The following EHHADH variants were observed in gnomAD, a reference collection of about 807,000 sequenced individuals.
The protein encoded by EHHADH is peroxisomal bifunctional enzyme.
A neutral mutation model predicts 64.4 loss-of-function variants in EHHADH; 48 were observed. That is an observed-to-expected ratio of 0.75 (90% CI 0.59 to 0.95). The LOEUF (loss-of-function observed/expected upper bound fraction) is 0.95, where lower values mean the gene tolerates loss of function less well. EHHADH is among the 40% of genes least tolerant of loss of function. The pLI is 0.00. For synonymous variants in EHHADH, 308 were observed against 326.7 expected, an observed-to-expected ratio of 0.94 and a Z score of 0.62; for missense variants, 854 against 876.6, an observed-to-expected ratio of 0.97 and a Z score of 0.33.
At position 185,229,413 on chromosome 3, in the gene EHHADH, T is replaced by C. The variant is rs1289209926; in HGVS notation, c.463+19A>G. The C allele has an allele frequency of 7.3e-7, 1 of 1,375,548 alleles. No individual in the cohort carries two copies. The highest frequency in any genetic ancestry group is 9.6e-7 in the Non-Finnish European group (1 of 1,043,838). The allele number at this position is 1,375,548 out of a possible 1,614,324, so 85.2% of individuals were successfully genotyped here. A position where few individuals can be genotyped will look rare whatever the true frequency, so the allele number is the denominator to read the frequency against. On this transcript the variant is annotated intron_variant, in intron 4 of 6. Transcript: ENST00000231887. ...TCTTCACACTAATCTAGACAGTTGT[T>C]GCCAAGGTCTATACTGACCTGAGGT...
intron 5 of EHHADH, among the ~76,000 whole-genome samples, chr3:185,215,783 A>G (rs1718666242): frequency 6.6e-6 from 1 of 152,208 alleles, no homozygotes; most frequent in South Asian, 2.1e-4. Flanking sequence ...GAAATTTTGG[A>G]GAAAAACTAA....
rs1560003380 is a variant in EHHADH at position 185,192,275 on chromosome 3, G to T, written c.2123C>A (p.Pro708His). 6.2e-7 allele frequency: 1 copy of T among 1,614,124 alleles called. No homozygotes were observed. ...LKKLASQGNP[P>H]LKEWQSLAGS... ...TGCCAAGCTTTGCCATTCTTTCAGG[G>T]GAGGGTTTCCCTGAGAAGCCAGTTT... Residue 708 changes from proline to histidine, a missense_variant, in exon 7 of 7, where the codon CCC becomes CAC. By Grantham distance (77) the Pro-to-His change is moderately conservative. Coordinates refer to ENST00000231887, the MANE Select transcript of EHHADH (RefSeq NM_001966.4).
chr3:185,235,228 T>C, intron 3 of EHHADH, 62 bp downstream of exon 3: 1 of 1,448,540 alleles, frequency 6.9e-7, no homozygotes, highest in South Asian at 1.4e-5. Flanking sequence ...ATGACTACAT[T>C]TAGAGTTTGC....
Position 185,246,011 on chromosome 3 carries a change from A to G in EHHADH, c.178+2403T>C, listed in dbSNP as rs1186300237. On this transcript the variant is annotated intron_variant, in intron 2 of 6. Coordinates refer to ENST00000231887, the MANE Select transcript of EHHADH (RefSeq NM_001966.4). Reference sequence around the variant, plus strand: ...ATCTTTTTTGCTATCTTCATCTTCTAGAGCTTCATCTTTCTCTAGTAGTTC... The same window carrying G: ...ATCTTTTTTGCTATCTTCATCTTCTGGAGCTTCATCTTTCTCTAGTAGTTC... 6 of 1,403,216 alleles carry G rather than the reference A, an allele frequency of 4.3e-6. No homozygotes were observed. The East Asian group carries it at 1.1e-4, about 27-fold the overall frequency. The allele number at this position is 1,403,216 out of a possible 1,614,324, so 86.9% of individuals were successfully genotyped here.
intron 2 of EHHADH, among the ~76,000 whole-genome samples, chr3:185,243,795 A>G (rs1324277870): frequency 6.6e-6 from 1 of 152,224 alleles, no homozygotes; most frequent in East Asian, 1.9e-4. Flanking sequence ...AGAATGTCCC[A>G]TGCACAAATA....
chr3:185,224,855 A>G lies in EHHADH; in HGVS notation c.463+4577T>C, dbSNP rs182542715. Reference sequence around the variant, plus strand: ...CTCTGACCTTCTGCTTCCCTCTTATAAGGACTCTTGTGATAAAATGGGCTG... The same window carrying G: ...CTCTGACCTTCTGCTTCCCTCTTATGAGGACTCTTGTGATAAAATGGGCTG... On this transcript the variant is annotated intron_variant, in intron 4 of 6. Transcript: ENST00000231887. Among the ~76,000 whole-genome samples the G allele has an allele frequency of 1.3e-3, 203 of 152,282 alleles. 1 individual carries two copies. The highest frequency in any genetic ancestry group is 3.5e-3 in the East Asian group (18 of 5,178).
chr3:185,236,252 C>T (rs998718761), intron 2 of EHHADH, among the ~76,000 whole-genome samples: 1 of 152,132 alleles, frequency 6.6e-6, no homozygotes, highest in African/African-American at 2.4e-5. Context: ...CTCACAGGAG[C>T]GTGAACCCTA....
chr3:185,245,770 A>C, intron 2 of EHHADH: 1 of 713,140 alleles, frequency 1.4e-6, no homozygotes, highest in South Asian at 1.6e-5. Flanking sequence ...ATAATAGTTT[A>C]CAGATATCTG....
intron 5 of EHHADH, among the ~76,000 whole-genome samples, chr3:185,205,066 T>C (rs1718348238): frequency 6.6e-6 from 1 of 151,680 alleles, no homozygotes; most frequent in Admixed American, 6.6e-5. Context: ...TTAATTAAAT[T>C]AATCAATAGA....
chr3:185,208,439 G>A (rs1291828876), intron 5 of EHHADH, among the ~76,000 whole-genome samples: 2 of 152,170 alleles, frequency 1.3e-5, no homozygotes, highest in African/African-American at 2.4e-5. Flanking sequence ...TGGAATAAAT[G>A]TTTGATTTTA....
intron 4 of EHHADH, among the ~76,000 whole-genome samples, chr3:185,220,812 A>G (rs1043334514): frequency 6.6e-6 from 1 of 152,134 alleles, no homozygotes; most frequent in African/African-American, 2.4e-5. Flanking sequence ...AGTAATCTCA[A>G]TTTTTTCCAA....
chr3:185,193,297 T>C lies in EHHADH; in HGVS notation c.1101A>G (p.Ser367=). 6.2e-7 allele frequency: 1 copy of C among 1,608,500 alleles called. No homozygotes were observed. Among genetic ancestry groups the C allele is most frequent in the Non-Finnish European group, 8.5e-7 (1 of 1,177,842 alleles). The change falls in exon 7 of 7, where the codon TCA becomes TCG. Residue 367 remains serine, a synonymous_variant. Coordinates refer to ENST00000231887, the MANE Select transcript of EHHADH (RefSeq NM_001966.4). ...CTACACCACCAAGCTCCTTCACAGATGAAGTTAACCTGGGTTTTGGTCCTG... is the reference window on the plus strand; with the variant it reads ...CTACACCACCAAGCTCCTTCACAGACGAAGTTAACCTGGGTTTTGGTCCTG... ...PWSGPKPRLT[S]SVKELGGVDL...
At chr3:185,204,820 T>C in intron 5 of EHHADH, 63 bp from the exon 6 acceptor site, 4 of 1,344,642 alleles carry the variant, frequency 3.0e-6, no homozygotes, top group Non-Finnish European at 4.1e-6. Flanking sequence ...AATGTGAATA[T>C]ATAGTAATAA....
intron 1 of EHHADH, among the ~76,000 whole-genome samples, chr3:185,251,603 T>C (rs1229048318): frequency 3.7e-5 from 3 of 81,608 alleles, no homozygotes; most frequent in Non-Finnish European, 7.7e-5. Flanking sequence ...GGGGAAAAAA[T>C]TTATATGTGT....
intron 5 of EHHADH, among the ~76,000 whole-genome samples, chr3:185,213,081 T>C (rs545584388): frequency 1.8e-3 from 214 of 118,614 alleles, no homozygotes; most frequent in Admixed American, 8.2e-3. Flanking sequence ...GATTGCACCA[T>C]TGTACTCCAG....
rs145907786 is a variant in EHHADH at position 185,192,746 on chromosome 3, C to T, written c.1652G>A (p.Arg551Gln). The T allele has an allele frequency of 1.2e-4, 192 of 1,613,830 alleles. No individual in the cohort carries two copies. Among genetic ancestry groups the T allele is most frequent in the African/African-American group, 1.2e-3 (87 of 74,998 alleles). The change falls in exon 7 of 7, where the codon CGA becomes CAA. Residue 551 changes from arginine (R) to glutamine (Q), a missense_variant. Physicochemically the swap from Arg to Gln is conservative, Grantham distance 43. Coordinates refer to ENST00000231887, the MANE Select transcript of EHHADH (RefSeq NM_001966.4). ...GCAGTACCTCCTATTACCCCTTTTT[C>T]GGGCAGGAGTTCCTGGAAGCAATGT... ...GPTLLPGTPA[R>Q]KRGNRRYCPI...
chr3:185,236,353 A>G (rs1032368940), intron 2 of EHHADH, among the ~76,000 whole-genome samples: 4 of 150,486 alleles, frequency 2.7e-5, no homozygotes, highest in Non-Finnish European at 6.0e-5. Flanking sequence ...TTCATCCCAA[A>G]ACAATCCCTG....
chr3:185,210,218 G>T (rs1718503542), intron 5 of EHHADH, among the ~76,000 whole-genome samples: 1 of 152,074 alleles, frequency 6.6e-6, no homozygotes, highest in East Asian at 1.9e-4. Flanking sequence ...AGCATTCCTG[G>T]GGGTGCTTCT....
Position 185,248,474 on chromosome 3 carries a change from C to T in EHHADH, c.118G>A (p.Val40Ile), listed in dbSNP as rs750381948. ...RDIKEGLQKA[V>I]IDHTIKAIVI... ...ATGGCTTTTATTGTATGGTCTATTA[C>T]AGCTTTCTGTAGTCCTTCTTTTATG... The change falls in exon 2 of 7, where the codon GTA (valine) becomes ATA (isoleucine). Residue 40 changes from valine to isoleucine, a missense_variant. Val to Ile is a conservative substitution (Grantham distance 29). Transcript: ENST00000231887. 6.2e-6 allele frequency: 10 copies of T among 1,614,080 alleles called. No individual in the cohort carries two copies. In the African/African-American group the frequency reaches 1.1e-4, roughly 17 times the overall value.
Sources: allele counts gnomAD v4.1 joint callset (sites outside exome capture counted in the v4.1 genomes callset), GRCh38; gene constraint gnomAD v4.1.1; transcripts MANE v1.5; gene names NCBI Gene and HGNC (gene_info 2026-07-23, HGNC 2026-07-21).